DIAPH1: variants seen among roughly 807,000 people sequenced by gnomAD.
DIAPH1 encodes the protein diaphanous related formin 1.
In DIAPH1, 46 loss-of-function variants were observed where a neutral mutation model predicts 140.7. That is an observed-to-expected ratio of 0.33 (90% CI 0.26 to 0.42). The LOEUF (loss-of-function observed/expected upper bound fraction) is 0.42. Ranked by LOEUF, DIAPH1 falls within the 10% of genes least tolerant of loss-of-function variation. The pLI is 1.00. For synonymous variants in DIAPH1, 565 were observed against 551.6 expected (o/e 1.02, Z -0.34); for missense variants, 1,310 against 1,558.7 (o/e 0.84, Z 2.69).
Position 141,528,907 on chromosome 5 carries a change from T to G in DIAPH1, c.2813A>C (p.Asn938Thr). 1.2e-6 allele frequency: 2 copies of G among 1,614,122 alleles called. No homozygotes were observed. Among genetic ancestry groups the G allele is most frequent in the Non-Finnish European group, 1.7e-6 (2 of 1,180,042 alleles). Residue 938 changes from asparagine to threonine, a missense_variant, in exon 22 of 28, where the codon AAT becomes ACT. This residue lies in a region of DIAPH1 where 344 missense variants were observed against 512.2 expected (regional missense o/e 0.67). Coordinates refer to ENST00000389054, the MANE Select transcript of DIAPH1 (RefSeq NM_005219.5). ...GAATTGTAGCTTGAAGAGAATGGCA[T>G]TGAGGCGAGGCCGCAGTCGGGGCAC... ...GTVPRLRPRLNAILFKLQFSE... is the reference protein window; with the variant it reads ...GTVPRLRPRLTAILFKLQFSE...
chr5:141,535,239 T>G (rs1404931438), intron 18 of DIAPH1, among the ~76,000 whole-genome samples: 1 of 152,202 alleles, frequency 6.6e-6, no homozygotes, highest in African/African-American at 2.4e-5. Flanking sequence ...CATGAGCCAC[T>G]GTTGCCCTAC....
chr5:141,615,362 G>A (rs1004578788), intron 1 of DIAPH1, among the ~76,000 whole-genome samples: 1 of 150,668 alleles, frequency 6.6e-6, no homozygotes, highest in African/African-American at 2.5e-5. Context: ...GAACCCGGGA[G>A]GTGGAGGTTG....
chr5:141,561,911 C>T (rs2099893602), intron 18 of DIAPH1: 1 of 152,186 alleles, frequency 6.6e-6, no homozygotes, highest in Non-Finnish European at 1.5e-5. Context: ...ATAAGGTAGG[C>T]CACTCCTTTC....
At chr5:141,545,474 G>A (rs1239405490) in intron 18 of DIAPH1, among the ~76,000 whole-genome samples, 1 of 152,106 alleles carries the variant, frequency 6.6e-6, no homozygotes, top group Non-Finnish European at 1.5e-5. Context: ...GACACAGTCT[G>A]TCTCTACAAG....
rs747985248 is a variant in DIAPH1 at position 141,618,935 on chromosome 5, G to A, written c.-21C>T. On this transcript the variant is annotated 5_prime_UTR_variant, in exon 1 of 28. Coordinates refer to ENST00000389054, the MANE Select transcript of DIAPH1 (RefSeq NM_005219.5). ...TCCATGTCCCGGTTCACGCTGGCCG[G>A]CGACCCCGCGCCTACGCCGCTCCCG... 232 of 1,409,458 alleles carry A rather than the reference G, an allele frequency of 1.6e-4. 3 individuals are homozygous for A. The African/African-American group carries it at 3.2e-3, about 19-fold the overall frequency. 87.3% of individuals were successfully genotyped at this position (1,409,458 alleles called of 1,614,324 possible). A position where few individuals can be genotyped will look rare whatever the true frequency, so the allele number is the denominator to read the frequency against.
At chr5:141,545,685 A>C (rs781201163) in intron 18 of DIAPH1, among the ~76,000 whole-genome samples, 2 of 152,162 alleles carry the variant, frequency 1.3e-5, no homozygotes, top group Non-Finnish European at 2.9e-5. Flanking sequence ...ATGATGAGAG[A>C]AGAACACATT....
chr5:141,559,740 G>A (rs1462665045), intron 18 of DIAPH1, among the ~76,000 whole-genome samples: 1 of 152,144 alleles, frequency 6.6e-6, no homozygotes, highest in African/African-American at 2.4e-5. Context: ...TGGAAGGACA[G>A]GCACTATCCC....
intron 1 of DIAPH1, among the ~76,000 whole-genome samples, chr5:141,592,299 C>T (rs2099898619): frequency 6.6e-6 from 1 of 151,966 alleles, no homozygotes; most frequent in Non-Finnish European, 1.5e-5. Flanking sequence ...AAACAGCAAG[C>T]TCAATTATTA....
chr5:141,576,081 A>C, intron 14 of DIAPH1, 149 bp downstream of exon 14: 1 of 681,866 alleles, frequency 1.5e-6, no homozygotes, highest in Non-Finnish European at 2.6e-6. Flanking sequence ...TGACTACCCT[A>C]TACTGGAAAG....
chr5:141,575,800 A>G (rs2099895879), intron 14 of DIAPH1, among the ~76,000 whole-genome samples: 1 of 152,208 alleles, frequency 6.6e-6, no homozygotes, highest in Non-Finnish European at 1.5e-5. Flanking sequence ...TACAATCCCA[A>G]TATTCTCTAG....
chr5:141,533,549 CT>C (rs1205151796), intron 19 of DIAPH1, among the ~76,000 whole-genome samples: 2 of 152,254 alleles, frequency 1.3e-5, no homozygotes, highest in East Asian at 3.9e-4. Flanking sequence ...AGTACCTTTA[CT>C]TATCAGAAAG....
Position 141,516,595 on chromosome 5 carries a change from C to T in DIAPH1, c.*256G>A, listed in dbSNP as rs997129501. 1 of 543,740 alleles carries T rather than the reference C, an allele frequency of 1.8e-6. No homozygotes were observed. Among genetic ancestry groups the T allele is most frequent in the Non-Finnish European group, 3.3e-6 (1 of 300,634 alleles). 33.7% of individuals were successfully genotyped at this position (543,740 alleles called of 1,614,324 possible). ...ACAGGGTTAAGGCAGCAAACATGGA[C>T]CCTGCTTTGGTAATACAACAGCCAG... On this transcript the variant is annotated 3_prime_UTR_variant, in exon 28 of 28. Coordinates refer to ENST00000389054, the MANE Select transcript of DIAPH1 (RefSeq NM_005219.5).
chr5:141,591,059 CAT>C (rs1315364016), intron 1 of DIAPH1, among the ~76,000 whole-genome samples: 2 of 152,166 alleles, frequency 1.3e-5, no homozygotes, highest in African/African-American at 4.8e-5. Flanking sequence ...CTGTGCATGG[CAT>C]ATGACTCTCC....
Position 141,584,233 on chromosome 5 carries a change from A to G in DIAPH1, c.301-8T>C. On this transcript the variant is annotated splice_region_variant and splice_polypyrimidine_tract_variant and intron_variant, in intron 3 of 27. Transcript: ENST00000389054. ...ATTCAGGTTCATATCCAGCTAGGAG[A>G]GGGAGAAAAAAGAGAAAAAACAAAA... 1.3e-6 allele frequency: 2 copies of G among 1,585,210 alleles called. No individual in the cohort carries two copies. The highest frequency in any genetic ancestry group is 8.7e-7 in the Non-Finnish European group (1 of 1,154,688).
rs747036564 is a variant in DIAPH1 at position 141,527,584 on chromosome 5, C to T, written c.3262G>A (p.Glu1088Lys). The T allele has an allele frequency of 6.2e-7, 1 of 1,602,000 alleles. No individual in the cohort carries two copies. Among genetic ancestry groups the T allele is most frequent in the South Asian group, 1.1e-5 (1 of 90,702 alleles). Residue 1088 changes from glutamate (E) to lysine (K), a missense_variant, in exon 24 of 28, where the codon GAA becomes AAA. Physicochemically the swap from Glu to Lys is moderately conservative, Grantham distance 56. Around this residue, in one of 3 missense-constraint regions of DIAPH1, gnomAD observed 344 missense variants for 512.2 expected, o/e 0.67. Transcript: ENST00000389054. ...TCAAGAGAGGATATGGTCATTTTTT[C>T]AACAAACTTGTCTTTTTCATCTGTG... ...AATDEKDKFV[E>K]KMTSFVKDAQ... is the part of the protein sequence containing the mutation.
rs138569845 is a variant in DIAPH1, at chr5:141,612,047, A to G, written c.117+6751T>C. Among the ~76,000 whole-genome samples the G allele has an allele frequency of 7.7e-3, 1,168 of 152,262 alleles. 21 individuals are homozygous for G. Among genetic ancestry groups the G allele is most frequent in the African/African-American group, 0.027 (1,111 of 41,526 alleles). ...ATGCCACTGTACTCCAGCCTGAGCGACGAGAGTGAAACTCTGTCTCAAAAA... is the reference window on the plus strand; with the variant it reads ...ATGCCACTGTACTCCAGCCTGAGCGGCGAGAGTGAAACTCTGTCTCAAAAA... On this transcript the variant is annotated intron_variant, in intron 1 of 27. Transcript: ENST00000389054.
intron 18 of DIAPH1, chr5:141,560,882 G>A (rs1180888184): frequency 2.2e-6 from 1 of 454,528 alleles, no homozygotes; most frequent in Non-Finnish European, 4.4e-6. Flanking sequence ...TCATACTGCT[G>A]TTTTTTTCCC....
intron 18 of DIAPH1, among the ~76,000 whole-genome samples, chr5:141,535,658 G>C (rs552624695): frequency 4.7e-4 from 71 of 152,296 alleles, no homozygotes; most frequent in African/African-American, 1.6e-3. Context: ...CTAAAAAATG[G>C]TTGATGCTGG....
rs562629411 is a variant in DIAPH1 at position 141,576,233 on chromosome 5, C to T, written c.1458G>A (p.Lys486=). Residue 486 remains lysine (K), a synonymous_variant, in exon 14 of 28, where the codon AAG becomes AAA. Transcript: ENST00000389054. ...GTCTTTGGTCTCTCATATGCACCTT[C>T]TTTTCCAGCTCTGCAGCTTTGGCTT... ...KSEAKAAELE[K]KLDSELTARH... 4 of 1,612,622 alleles carry T rather than the reference C, an allele frequency of 2.5e-6. No homozygotes were observed. The East Asian group carries it at 8.9e-5, about 36-fold the overall frequency.
Sources: allele counts gnomAD v4.1 joint callset (sites outside exome capture counted in the v4.1 genomes callset), GRCh38; gene constraint gnomAD v4.1.1; regional missense constraint gnomAD v4.1.1; transcripts MANE v1.5; gene names NCBI Gene and HGNC (gene_info 2026-07-23, HGNC 2026-07-21).